The following CCR8 variants were observed in gnomAD, a reference collection of about 807,000 sequenced individuals.
The protein encoded by CCR8 is C-C motif chemokine receptor 8, also known as C-C chemokine receptor type 8.
For synonymous variants in CCR8, 156 were observed against 165.7 expected (o/e 0.94, Z 0.45); for missense variants, 358 against 417.5 (o/e 0.86, Z 1.24).
Position 39,332,678 on chromosome 3 carries a change from G to T in CCR8, c.347G>T (p.Gly116Val), listed in dbSNP as rs1180483160. The T allele has an allele frequency of 2.5e-6, 4 of 1,614,086 alleles. No homozygotes were observed. In the East Asian group the frequency reaches 8.9e-5, roughly 36 times the overall value. The change falls in exon 2 of 2, where the codon GGC becomes GTC. Residue 116 changes from glycine to valine, a missense_variant. By Grantham distance (109) the Gly-to-Val change is moderately radical. Transcript: ENST00000326306. ...CKVVSGFYYI[G>V]FYSSMFFITL... ...GTGGTGTCTGGCTTTTATTACATTG[G>T]CTTCTACAGCAGCATGTTTTTCATC...
In CCR8 at chr3:39,333,227, T is replaced by C. The variant is rs981056176; in HGVS notation, c.896T>C (p.Ile299Thr). ...ACTCACTGCTGTGTGAACCCTGTTA[T>C]CTATGCTTTTGTTGGGGAGAAGTTC... is the stretch of plus-strand genomic sequence containing the variant. ...SFTHCCVNPV[I>T]YAFVGEKFKK... The change falls in exon 2 of 2, where the codon ATC (isoleucine) becomes ACC (threonine). Residue 299 changes from isoleucine (I) to threonine (T), a missense_variant. Ile to Thr is a moderately conservative substitution (Grantham distance 89). Transcript: ENST00000326306. 5 of 1,614,000 alleles carry C rather than the reference T, an allele frequency of 3.1e-6. No homozygotes were observed. In the African/African-American group the frequency reaches 4.0e-5, roughly 13 times the overall value.
At position 39,332,970 on chromosome 3, in the gene CCR8, C is replaced by T; in HGVS notation, c.639C>T (p.Ile213=). 6.2e-7 allele frequency: 1 copy of T among 1,614,162 alleles called. No homozygotes were observed. The highest frequency in any genetic ancestry group is 8.5e-7 in the Non-Finnish European group (1 of 1,179,996). Residue 213 remains isoleucine (I), a synonymous_variant, in exon 2 of 2, where the codon ATC becomes ATT. Coordinates refer to ENST00000326306, the MANE Select transcript of CCR8 (RefSeq NM_005201.4). ...TAGGCTTGTTGATCCCATTCACCAT[C>T]TTTATGTTCTGCTACATTAAAATCC... The part of the protein sequence containing the change: ...NILGLLIPFT[I]FMFCYIKILH...
Position 39,333,206 on chromosome 3 carries a change from A to G in CCR8, c.875A>G (p.His292Arg), listed in dbSNP as rs1366118676. Residue 292 changes from histidine to arginine, a missense_variant, in exon 2 of 2, where the codon CAC becomes CGC. His to Arg is a conservative substitution (Grantham distance 29). Transcript: ENST00000326306. ...THVTEIISFT[H>R]CCVNPVIYAF... The stretch of plus-strand genomic sequence containing the variant: ...GTCACAGAAATCATTTCCTTTACTC[A>G]CTGCTGTGTGAACCCTGTTATCTAT... The G allele has an allele frequency of 4.3e-6, 7 of 1,613,958 alleles. No homozygotes were observed. Among genetic ancestry groups the G allele is most frequent in the Non-Finnish European group, 5.9e-6 (7 of 1,179,976 alleles).
chr3:39,332,917 A>T lies in CCR8; in HGVS notation c.586A>T (p.Ile196Phe), dbSNP rs750661325. Reference sequence around the variant, plus strand: ...CAATCAACAGACTTTGAAGTGGAAGATCTTCACCAACTTCAAAATGAACAT... The same window carrying T: ...CAATCAACAGACTTTGAAGTGGAAGTTCTTCACCAACTTCAAAATGAACAT... ...FYNQQTLKWK[I>F]FTNFKMNILG... The change falls in exon 2 of 2, where the codon ATC becomes TTC. Residue 196 changes from isoleucine to phenylalanine, a missense_variant. By Grantham distance (21) the Ile-to-Phe change is conservative. Transcript: ENST00000326306. The T allele has an allele frequency of 6.2e-7, 1 of 1,614,100 alleles. No homozygotes were observed. Among genetic ancestry groups the T allele is most frequent in the South Asian group, 1.1e-5 (1 of 91,084 alleles).
At chr3:39,329,980 C>T (rs2041244680) in intron 1 of CCR8, among the ~76,000 whole-genome samples, 151 bp downstream of exon 1, 2 of 152,122 alleles carry the variant, frequency 1.3e-5, no homozygotes, top group Admixed American at 6.5e-5. Context: ...TTCCTCAGAG[C>T]CCACAAACAT....
Position 39,332,524 on chromosome 3 carries a change from A to G in CCR8, c.193A>G (p.Lys65Glu), listed in dbSNP as rs200384452. The change falls in exon 2 of 2, where the codon AAG (lysine) becomes GAG (glutamate). Residue 65 changes from lysine to glutamate, a missense_variant. Physicochemically the swap from Lys to Glu is moderately conservative, Grantham distance 56 (BLOSUM62 1). Coordinates refer to ENST00000326306, the MANE Select transcript of CCR8 (RefSeq NM_005201.4). ...CATCCTGGTCCTTGTGGTCTGCAAG[A>G]AGCTGAGGAGCATCACAGATGTATA... ...LVILVLVVCK[K>E]LRSITDVYLL... The G allele has an allele frequency of 1.9e-6, 3 of 1,614,138 alleles. No individual in the cohort carries two copies. Among genetic ancestry groups the G allele is most frequent in the Non-Finnish European group, 2.5e-6 (3 of 1,180,010 alleles).
chr3:39,332,763 G>A lies in CCR8; in HGVS notation c.432G>A (p.Val144=). ...TCCATGCCGTGTATGCCCTAAAGGTGAGGACGATCAGGATGGGCACAACGC... is the reference window on the plus strand; with the variant it reads ...TCCATGCCGTGTATGCCCTAAAGGTAAGGACGATCAGGATGGGCACAACGC... ...AVVHAVYALK[V]RTIRMGTTLC... The change falls in exon 2 of 2, where the codon GTG becomes GTA. Residue 144 remains valine (V), a synonymous_variant. Transcript: ENST00000326306. 6.2e-7 allele frequency: 1 copy of A among 1,614,172 alleles called. No homozygotes were observed. Among genetic ancestry groups the A allele is most frequent in the Non-Finnish European group, 8.5e-7 (1 of 1,180,012 alleles).
chr3:39,333,000 C>A lies in CCR8; in HGVS notation c.669C>A (p.His223Gln), dbSNP rs2041268885. 1 of 1,614,020 alleles carries A rather than the reference C, an allele frequency of 6.2e-7. No individual in the cohort carries two copies. The highest frequency in any genetic ancestry group is 8.5e-7 in the Non-Finnish European group (1 of 1,179,998). The part of the protein sequence containing the change: ...IFMFCYIKIL[H>Q]QLKRCQNHNK... The stretch of plus-strand genomic sequence containing the variant: ...TGTTCTGCTACATTAAAATCCTGCA[C>A]CAGCTGAAGAGGTGTCAAAACCACA... The change falls in exon 2 of 2, where the codon CAC becomes CAA. Residue 223 changes from histidine (H) to glutamine (Q), a missense_variant. Coordinates refer to ENST00000326306, the MANE Select transcript of CCR8 (RefSeq NM_005201.4).
Position 39,332,327 on chromosome 3 carries a change from C to T in CCR8, c.-5C>T. ...GTGTCTCTGTGACCAGGTCCCGCTG[C>T]CTTGATGGATTATACACTTGACCTC... On this transcript the variant is annotated 5_prime_UTR_variant, in exon 2 of 2. Coordinates refer to ENST00000326306, the MANE Select transcript of CCR8 (RefSeq NM_005201.4). 1.3e-6 allele frequency: 2 copies of T among 1,591,922 alleles called. No individual in the cohort carries two copies. Among genetic ancestry groups the T allele is most frequent in the Admixed American group, 3.3e-5 (2 of 59,840 alleles).
Position 39,333,284 on chromosome 3 carries a change from G to A in CCR8, c.953G>A (p.Ser318Asn), listed in dbSNP as rs757991973. The A allele has an allele frequency of 6.2e-7, 1 of 1,614,088 alleles. No homozygotes were observed. The highest frequency in any genetic ancestry group is 8.5e-7 in the Non-Finnish European group (1 of 1,179,996). Reference sequence around the variant, plus strand: ...CACCTCTCAGAAATATTTCAGAAAAGTTGCAGCCAAATCTTCAACTACCTA... The same window carrying A: ...CACCTCTCAGAAATATTTCAGAAAAATTGCAGCCAAATCTTCAACTACCTA... ...KKHLSEIFQK[S>N]CSQIFNYLGR... Residue 318 changes from serine to asparagine, a missense_variant, in exon 2 of 2, where the codon AGT (serine) becomes AAT (asparagine). By Grantham distance (46) the Ser-to-Asn change is conservative. Transcript: ENST00000326306.
rs1404612988 is a variant in CCR8, at chr3:39,333,086, T to C, written c.755T>C (p.Val252Ala). Reference protein sequence around the residue: ...IVVIASLLFWVPFNVVLFLTS... With the variant: ...IVVIASLLFWAPFNVVLFLTS... Reference sequence around the variant, plus strand: ...GTCATTGCATCTTTACTTTTCTGGGTCCCATTCAACGTGGTTCTTTTCCTC... The same window carrying C: ...GTCATTGCATCTTTACTTTTCTGGGCCCCATTCAACGTGGTTCTTTTCCTC... The change falls in exon 2 of 2, where the codon GTC (valine) becomes GCC (alanine). Residue 252 changes from valine (V) to alanine (A), a missense_variant. Transcript: ENST00000326306. The C allele has an allele frequency of 6.2e-7, 1 of 1,613,994 alleles. No individual in the cohort carries two copies. The highest frequency in any genetic ancestry group is 8.5e-7 in the Non-Finnish European group (1 of 1,180,022).
rs2041245420 is a variant in CCR8, at chr3:39,330,100, A to G, written c.-15+271A>G. On this transcript the variant is annotated intron_variant, in intron 1 of 1. Transcript: ENST00000326306. The stretch of plus-strand genomic sequence containing the variant: ...AACTCCTACAAGAGTGGGAAGGTAG[A>G]TAAGAGAAGATCCTTTATAATACCA... Among the ~76,000 whole-genome samples, 3 of 152,222 alleles carry G rather than the reference A, an allele frequency of 2.0e-5. No homozygotes were observed. In the South Asian group the frequency reaches 6.2e-4, roughly 31 times the overall value.
chr3:39,333,579 T>TCTGCCC lies in CCR8; in HGVS notation c.*181_*182insTGCCCC. The TCTGCCC allele has an allele frequency of 1.7e-6, 1 of 601,310 alleles. No individual in the cohort carries two copies. The highest frequency in any genetic ancestry group is 3.0e-6 in the Non-Finnish European group (1 of 332,794). The allele number at this position is 601,310 out of a possible 1,614,324, so 37.2% of individuals were successfully genotyped here. A position where few individuals can be genotyped will look rare whatever the true frequency, so the allele number is the denominator to read the frequency against. On this transcript the variant is annotated 3_prime_UTR_variant, in exon 2 of 2. Coordinates refer to ENST00000326306, the MANE Select transcript of CCR8 (RefSeq NM_005201.4). The stretch of plus-strand genomic sequence containing the variant: ...ATAGTTGTGCATGCCTGGCACAACA[T>TCTGCCC]CAAGCCTGTGATTGTGTTTATTGAT...
intron 1 of CCR8, among the ~76,000 whole-genome samples, chr3:39,330,208 A>C (rs1382492776): frequency 6.6e-6 from 1 of 152,156 alleles, no homozygotes; most frequent in Admixed American, 6.5e-5. Flanking sequence ...GTTCTTAAGG[A>C]AAGAAGCCAG....
intron 1 of CCR8, among the ~76,000 whole-genome samples, chr3:39,330,080 C>T (rs1338979244): frequency 6.6e-6 from 1 of 152,116 alleles, no homozygotes; most frequent in African/African-American, 2.4e-5. Context: ...GTGAAAACTC[C>T]TACAAGAGTG....
chr3:39,333,528 A>G lies in CCR8; in HGVS notation c.*129A>G, dbSNP rs1165554964. 1.5e-6 allele frequency: 1 copy of G among 651,616 alleles called. No homozygotes were observed. The highest frequency in any genetic ancestry group is 2.7e-6 in the Non-Finnish European group (1 of 371,122). The allele number at this position is 651,616 out of a possible 1,614,324, so 40.4% of individuals were successfully genotyped here. A position where few individuals can be genotyped will look rare whatever the true frequency, so the allele number is the denominator to read the frequency against. ...AAGGATGCCATATATGTTGTTGCCAACACTTGGAACACAATGACTAAAGAC... is the reference window on the plus strand; with the variant it reads ...AAGGATGCCATATATGTTGTTGCCAGCACTTGGAACACAATGACTAAAGAC... On this transcript the variant is annotated 3_prime_UTR_variant, in exon 2 of 2. Coordinates refer to ENST00000326306, the MANE Select transcript of CCR8 (RefSeq NM_005201.4).
In CCR8 at chr3:39,333,038, C is replaced by A. The variant is rs760577457; in HGVS notation, c.707C>A (p.Ala236Asp). ...KRCQNHNKTK[A>D]IRLVLIVVIA... ...TGTCAAAACCACAACAAGACCAAGG[C>A]CATCAGGTTGGTGCTCATTGTGGTC... Residue 236 changes from alanine (A) to aspartate (D), a missense_variant, in exon 2 of 2, where the codon GCC becomes GAC. Physicochemically the swap from Ala to Asp is moderately radical, Grantham distance 126. Transcript: ENST00000326306. 1 of 1,614,066 alleles carries A rather than the reference C, an allele frequency of 6.2e-7. No homozygotes were observed. Among genetic ancestry groups the A allele is most frequent in the South Asian group, 1.1e-5 (1 of 91,082 alleles).
At position 39,332,337 on chromosome 3, in the gene CCR8, T is replaced by C. The variant is rs2041263134; in HGVS notation, c.6T>C (p.Asp2=). The change falls in exon 2 of 2, where the codon GAT becomes GAC. Residue 2 remains aspartate, a synonymous_variant. Transcript: ENST00000326306. The stretch of plus-strand genomic sequence containing the variant: ...GACCAGGTCCCGCTGCCTTGATGGA[T>C]TATACACTTGACCTCAGTGTGACAA... M[D]YTLDLSVTTV... The C allele has an allele frequency of 6.2e-7, 1 of 1,608,852 alleles. No individual in the cohort carries two copies. The highest frequency in any genetic ancestry group is 1.3e-5 in the African/African-American group (1 of 74,780).
At position 39,333,428 on chromosome 3, in the gene CCR8, A is replaced by G; in HGVS notation, c.*29A>G. 1 of 1,535,056 alleles carries G rather than the reference A, an allele frequency of 6.5e-7. No homozygotes were observed. The highest frequency in any genetic ancestry group is 8.9e-7 in the Non-Finnish European group (1 of 1,128,662). On this transcript the variant is annotated 3_prime_UTR_variant, in exon 2 of 2. Transcript: ENST00000326306. The stretch of plus-strand genomic sequence containing the variant: ...TCAATGAAGACTAAATATAAAAAAC[A>G]TTTTCTTGAATGGCATGCTAGTAGC...
Sources: allele counts gnomAD v4.1 joint callset (sites outside exome capture counted in the v4.1 genomes callset), GRCh38; gene constraint gnomAD v4.1.1; transcripts MANE v1.5; gene names NCBI Gene and HGNC (gene_info 2026-07-23, HGNC 2026-07-21).